Variants in ITFG1 observed in about 807,000 individuals in gnomAD.
ITFG1 encodes T-cell immunomodulatory protein.
In ITFG1, 34 loss-of-function variants were observed where a neutral mutation model predicts 81.8. The observed-to-expected ratio is 0.42, with a 90% CI of 0.32 to 0.55. The LOEUF is 0.55. ITFG1 is among the 20% of genes least tolerant of loss of function. The probability of loss-of-function intolerance (pLI) is 0.17; values close to 1 mark genes in which losing one functional copy is unlikely to be tolerated. For synonymous variants in ITFG1, 285 were observed against 270.6 expected (o/e 1.05, Z -0.52); for missense variants, 672 against 755.4 (o/e 0.89, Z 1.29).
At chr16:47,305,437 G>C (rs1469986127) in intron 10 of ITFG1, among the ~76,000 whole-genome samples, 1 of 152,064 alleles carries the variant, frequency 6.6e-6, no homozygotes, top group African/African-American at 2.4e-5. Context: ...TGGGCAGAGA[G>C]ACAAGGAGGG....
intron 10 of ITFG1, among the ~76,000 whole-genome samples, chr16:47,267,478 T>C (rs966852496): frequency 2.6e-5 from 4 of 152,176 alleles, no homozygotes; most frequent in Non-Finnish European, 5.9e-5. Context: ...CGGATTCCAA[T>C]ATGTCTCTTT....
chr16:47,412,326 G>A (rs536506522), intron 6 of ITFG1, among the ~76,000 whole-genome samples: 27 of 152,146 alleles, frequency 1.8e-4, no homozygotes, highest in African/African-American at 6.0e-4. Flanking sequence ...TGAGATCCAG[G>A]AGAAAACTGA....
At chr16:47,258,568 T>C in intron 12 of ITFG1, 64 bp downstream of exon 12, 1 of 782,088 alleles carries the variant, frequency 1.3e-6, no homozygotes, top group South Asian at 1.5e-5. Flanking sequence ...GTCCTTGCTC[T>C]TTGGAATATG....
At chr16:47,348,618 C>G (rs921610141) in intron 8 of ITFG1, among the ~76,000 whole-genome samples, 2 of 152,140 alleles carry the variant, frequency 1.3e-5, no homozygotes, top group Non-Finnish European at 2.9e-5. Flanking sequence ...AGAATGGAAC[C>G]AGGTTGGAAA....
At chr16:47,182,971 CAG>C (rs1965150923) in intron 14 of ITFG1, among the ~76,000 whole-genome samples, 1 of 152,196 alleles carries the variant, frequency 6.6e-6, no homozygotes, top group African/African-American at 2.4e-5. Context: ...CGCAAGGGGT[CAG>C]GGAGTTCCCT....
chr16:47,155,483 G>A lies in ITFG1; in HGVS notation c.*236C>T. Reference sequence around the variant, plus strand: ...GAGTACATGCAACACATTCCACAAAGGAACAAAAATGTACAGCACTACAGA... The same window carrying A: ...GAGTACATGCAACACATTCCACAAAAGAACAAAAATGTACAGCACTACAGA... On this transcript the variant is annotated 3_prime_UTR_variant, in exon 18 of 18. Coordinates refer to ENST00000320640, the MANE Select transcript of ITFG1 (RefSeq NM_030790.5). The A allele has an allele frequency of 3.3e-6, 1 of 302,186 alleles. No individual in the cohort carries two copies. The highest frequency in any genetic ancestry group is 1.2e-4 in the South Asian group (1 of 8,496). 18.7% of individuals were successfully genotyped at this position (302,186 alleles called of 1,614,324 possible).
intron 17 of ITFG1, among the ~76,000 whole-genome samples, chr16:47,158,363 G>A (rs1488890238): frequency 2.0e-5 from 3 of 152,094 alleles, no homozygotes; most frequent in Non-Finnish European, 2.9e-5. Context: ...CCAAAGTGCT[G>A]GGATTACAGG....
intron 8 of ITFG1, among the ~76,000 whole-genome samples, chr16:47,315,775 A>ATATATATATATATATATATATATATATG (rs200525858): frequency 1.2e-4 from 18 of 151,284 alleles, no homozygotes; most frequent in African/African-American, 3.9e-4. Flanking sequence ...TGCCATATAT[A>ATATATATATATATATATATATATATATG]TATACACATA....
intron 6 of ITFG1, among the ~76,000 whole-genome samples, chr16:47,392,222 C>A (rs1025385720): frequency 6.6e-6 from 1 of 152,028 alleles, no homozygotes; most frequent in African/African-American, 2.4e-5. Context: ...GAGATCAGCA[C>A]CAGGCAACAT....
In ITFG1 at chr16:47,460,845, C is replaced by T. The variant is rs765465781; in HGVS notation, c.201G>A (p.Leu67=). The T allele has an allele frequency of 3.7e-6, 6 of 1,613,296 alleles. No individual in the cohort carries two copies. The Admixed American group carries it at 5.0e-5, about 13-fold the overall frequency. The change falls in exon 1 of 18, where the codon CTG becomes CTA. Residue 67 remains leucine (L), a synonymous_variant. Transcript: ENST00000320640. ...GGCCCGGCAAGCACTGACTTTCCCG[C>T]AGCACGAAGAGATCCGTCTGCTTGT... is the stretch of plus-strand genomic sequence containing the variant. ...NSDKQTDLFV[L]RERNDLIVFL...
At chr16:47,162,690 T>A (rs778429680) in intron 14 of ITFG1, 26 bp from the exon 15 acceptor site, 1 of 1,557,996 alleles carries the variant, frequency 6.4e-7, no homozygotes, top group South Asian at 1.2e-5. Flanking sequence ...TAAAAAAAAA[T>A]TAAAAACATC....
intron 14 of ITFG1, among the ~76,000 whole-genome samples, chr16:47,185,219 G>A (rs1180233885): frequency 6.6e-6 from 1 of 152,164 alleles, no homozygotes; most frequent in Non-Finnish European, 1.5e-5. Context: ...AGACAGATCA[G>A]CGAGACAGAA....
At chr16:47,309,495 T>G (rs541941330) in intron 10 of ITFG1, among the ~76,000 whole-genome samples, 3 of 152,366 alleles carry the variant, frequency 2.0e-5, no homozygotes, top group Middle Eastern at 3.4e-3. Context: ...TCATATGATT[T>G]GTCAAATTTT....
intron 8 of ITFG1, among the ~76,000 whole-genome samples, chr16:47,320,480 A>G (rs1312569228): frequency 2.0e-5 from 3 of 152,342 alleles, no homozygotes; most frequent in East Asian, 1.9e-4. Flanking sequence ...TTTGATATAC[A>G]ATTGTGAGTT....
chr16:47,428,570 A>T (rs960782135), intron 6 of ITFG1, among the ~76,000 whole-genome samples: 24 of 152,226 alleles, frequency 1.6e-4, no homozygotes, highest in Admixed American at 6.5e-5. Context: ...CATAAAAAGT[A>T]GAGAATTCAA....
chr16:47,431,454 C>T (rs1176376130), intron 5 of ITFG1, among the ~76,000 whole-genome samples: 3 of 152,102 alleles, frequency 2.0e-5, no homozygotes, highest in African/African-American at 4.8e-5. Flanking sequence ...AATTTTATCC[C>T]GAAACCACCC....
intron 13 of ITFG1, among the ~76,000 whole-genome samples, chr16:47,237,760 G>A (rs1224971753): frequency 6.6e-6 from 1 of 152,014 alleles, no homozygotes; most frequent in Non-Finnish European, 1.5e-5. Flanking sequence ...TATCAGAAAA[G>A]GCTTCATAAA....
chr16:47,319,788 T>C (rs1370069110), intron 8 of ITFG1, among the ~76,000 whole-genome samples: 2 of 152,208 alleles, frequency 1.3e-5, no homozygotes, highest in East Asian at 1.9e-4. Context: ...TATCCACCAT[T>C]GCTTTGCTTT....
intron 8 of ITFG1, among the ~76,000 whole-genome samples, chr16:47,363,645 T>C (rs1178471647): frequency 6.6e-6 from 1 of 152,230 alleles, no homozygotes; most frequent in Non-Finnish European, 1.5e-5. Context: ...GGGCAGTAAG[T>C]ATATACTTTG....
Sources: gnomAD v4.1 joint callset for allele counts (sites outside exome capture counted in the v4.1 genomes callset) on GRCh38, gnomAD v4.1.1 for gene constraint, MANE v1.5 for transcripts, NCBI Gene and HGNC (gene_info 2026-07-23, HGNC 2026-07-21) for gene names.